Variants in UBASH3B observed in about 807,000 individuals in gnomAD.
UBASH3B encodes the protein ubiquitin-associated and SH3 domain-containing protein B.
In UBASH3B, 37 loss-of-function variants were observed where a neutral mutation model predicts 83.4. That is an observed-to-expected ratio of 0.44 (90% CI 0.34 to 0.58). UBASH3B has a LOEUF of 0.58. Ranked by LOEUF, UBASH3B falls within the 20% of genes least tolerant of loss-of-function variation. UBASH3B has a pLI of 0.01. For synonymous variants in UBASH3B, 304 were observed against 318.3 expected (o/e 0.96, Z 0.48); for missense variants, 657 against 827.2 (o/e 0.79, Z 2.52).
At chr11:122,671,205 G>A (rs933337589) in intron 1 of UBASH3B, among the ~76,000 whole-genome samples, 2 of 152,152 alleles carry the variant, frequency 1.3e-5, no homozygotes, top group Non-Finnish European at 2.9e-5. Context: ...GCCTGGCCTC[G>A]CAAGTTCAGA....
At chr11:122,792,979 C>A (rs1356114523) in intron 6 of UBASH3B, among the ~76,000 whole-genome samples, 1 of 152,108 alleles carries the variant, frequency 6.6e-6, no homozygotes, top group African/African-American at 2.4e-5. Flanking sequence ...TAGAATGAGT[C>A]TATCACTTCT....
rs934374141 is a variant in UBASH3B at position 122,655,922 on chromosome 11, T to C, written c.-128T>C. On this transcript the variant is annotated 5_prime_UTR_variant, in exon 1 of 14. Transcript: ENST00000284273. ...CACTGGGGAAGCTCGGAGCGCCGCC[T>C]CCGCTGCCGCCGCCTCCTGCCTGGC... The C allele has an allele frequency of 2.8e-6, 3 of 1,061,826 alleles. No individual in the cohort carries two copies. The Admixed American group carries it at 1.1e-4, about 40-fold the overall frequency. The allele number at this position is 1,061,826 out of a possible 1,614,324, so 65.8% of individuals were successfully genotyped here.
chr11:122,775,377 G>A (rs887986834), intron 1 of UBASH3B, among the ~76,000 whole-genome samples: 1 of 152,208 alleles, frequency 6.6e-6, no homozygotes, highest in Non-Finnish European at 1.5e-5. Flanking sequence ...TGTTTCTCCA[G>A]AAGCGAGAAT....
intron 1 of UBASH3B, among the ~76,000 whole-genome samples, chr11:122,710,242 GAAGA>G (rs955359556): frequency 6.6e-6 from 1 of 151,694 alleles, no homozygotes; most frequent in African/African-American, 2.4e-5. Context: ...TCTCAGAGCA[GAAGA>G]AAGATAAGGC....
intron 1 of UBASH3B, among the ~76,000 whole-genome samples, chr11:122,694,022 C>T (rs1237463583): frequency 2.0e-5 from 3 of 152,154 alleles, no homozygotes; most frequent in African/African-American, 4.8e-5. Flanking sequence ...GTCATAAGGT[C>T]GACTAGGGCA....
At chr11:122,777,878 T>C (rs921097011) in intron 3 of UBASH3B, among the ~76,000 whole-genome samples, 9 of 151,992 alleles carry the variant, frequency 5.9e-5, no homozygotes, top group East Asian at 1.9e-4. Flanking sequence ...TACAGGCATA[T>C]GCCACCATGC....
chr11:122,661,262 T>G (rs1049976662), intron 1 of UBASH3B, among the ~76,000 whole-genome samples: 1 of 152,234 alleles, frequency 6.6e-6, no homozygotes, highest in African/African-American at 2.4e-5. Context: ...TGACTTGGCT[T>G]TGGACAGTAA....
chr11:122,787,363 G>C (rs1417289596), intron 5 of UBASH3B, among the ~76,000 whole-genome samples: 4 of 152,160 alleles, frequency 2.6e-5, no homozygotes, highest in African/African-American at 4.8e-5. Flanking sequence ...GAGGCAATCA[G>C]AGCAGGGAAG....
At chr11:122,764,858 C>T (rs1860505527) in intron 1 of UBASH3B, among the ~76,000 whole-genome samples, 1 of 152,162 alleles carries the variant, frequency 6.6e-6, no homozygotes, top group African/African-American at 2.4e-5. Flanking sequence ...GGAGTAGACT[C>T]CATTCCTGGA....
Position 122,808,023 on chromosome 11 carries a change from T to A in UBASH3B, c.1703-44T>A, listed in dbSNP as rs568135057. 21 of 1,479,516 alleles carry A rather than the reference T, an allele frequency of 1.4e-5. No individual in the cohort carries two copies. In the South Asian group the frequency reaches 2.0e-4, roughly 14 times the overall value. 91.6% of individuals were successfully genotyped at this position (1,479,516 alleles called of 1,614,324 possible). A position where few individuals can be genotyped will look rare whatever the true frequency, so the allele number is the denominator to read the frequency against. Reference sequence around the variant, plus strand: ...TTCCAGTATTTGCAAAGTTTCCATGTCTTTATAGAAACAGTCTTCCCATAC... The same window carrying A: ...TTCCAGTATTTGCAAAGTTTCCATGACTTTATAGAAACAGTCTTCCCATAC... On this transcript the variant is annotated intron_variant, in intron 12 of 13. Transcript: ENST00000284273.
chr11:122,796,090 A>G, intron 7 of UBASH3B, 66 bp from the exon 8 acceptor site: 1 of 1,592,458 alleles, frequency 6.3e-7, no homozygotes. Context: ...CTCACCTGGC[A>G]CCTGGCTCCA....
intron 1 of UBASH3B, among the ~76,000 whole-genome samples, chr11:122,730,989 G>C (rs12808150): frequency 6.6e-6 from 1 of 151,954 alleles, no homozygotes; most frequent in African/African-American, 2.4e-5. Context: ...CCCCCTAAAG[G>C]TTCTGCCATG....
At chr11:122,794,269 G>A (rs11218815) in intron 6 of UBASH3B, among the ~76,000 whole-genome samples, 30,122 of 151,980 alleles carry the variant, frequency 0.2, 3,556 homozygotes, top group East Asian at 0.4. Flanking sequence ...GCAGTGGTGC[G>A]ATCTTGGCTC....
intron 1 of UBASH3B, among the ~76,000 whole-genome samples, chr11:122,694,796 A>G (rs1191903545): frequency 6.6e-6 from 1 of 152,020 alleles, no homozygotes; most frequent in Non-Finnish European, 1.5e-5. Flanking sequence ...GGGTTCCTTG[A>G]GTGTCAAGAT....
At chr11:122,661,866 A>AC (rs1863444618) in intron 1 of UBASH3B, among the ~76,000 whole-genome samples, 1 of 150,996 alleles carries the variant, frequency 6.6e-6, no homozygotes, top group Non-Finnish European at 1.5e-5. Context: ...TTCCAAAAAA[A>AC]AAAAAAACAA....
intron 6 of UBASH3B, among the ~76,000 whole-genome samples, chr11:122,792,952 C>G (rs1030227038): frequency 3.3e-5 from 3 of 91,628 alleles, no homozygotes; most frequent in African/African-American, 1.3e-4. Context: ...ACTTCTGAGA[C>G]TTCGTTTATA....
At chr11:122,779,811 G>A (rs1247506299) in intron 4 of UBASH3B, 116 bp downstream of exon 4, 4 of 1,243,564 alleles carry the variant, frequency 3.2e-6, no homozygotes, top group South Asian at 2.7e-5. Flanking sequence ...GGAGGACCCT[G>A]CAGGAATGGA....
intron 4 of UBASH3B, among the ~76,000 whole-genome samples, chr11:122,782,170 G>A (rs1454863375): frequency 1.3e-5 from 2 of 151,838 alleles, no homozygotes; most frequent in African/African-American, 4.8e-5. Flanking sequence ...GAGCCCAGGA[G>A]GTGGAGGCTG....
At chr11:122,794,552 A>G in intron 6 of UBASH3B, 150 bp from the exon 7 acceptor site, 1 of 968,430 alleles carries the variant, frequency 1.0e-6, no homozygotes, top group Non-Finnish European at 1.5e-6. Flanking sequence ...TTTTTCCCTT[A>G]GGAATGAGGC....
Sources: gnomAD v4.1 joint callset for allele counts (sites outside exome capture counted in the v4.1 genomes callset) on GRCh38, gnomAD v4.1.1 for gene constraint, MANE v1.5 for transcripts, NCBI Gene and HGNC (gene_info 2026-07-23, HGNC 2026-07-21) for gene names.